MASP1: variants seen among roughly 807,000 people sequenced by gnomAD.
MASP1 encodes MBL associated serine protease 1.
Under a neutral mutation model 77.1 loss-of-function variants are expected in MASP1, and 59 were observed. That is an observed-to-expected ratio of 0.77 (90% confidence interval 0.62 to 0.95). The LOEUF (loss-of-function observed/expected upper bound fraction) is 0.95. MASP1 is among the 40% of genes least tolerant of loss of function. The pLI, the probability that MASP1 is intolerant of heterozygous loss-of-function variation, is 0.00. For missense variants in MASP1, 885 were observed against 912.9 expected (o/e 0.97, Z 0.39); for synonymous variants, 362 against 354.5 (o/e 1.02, Z -0.24).
chr3:187,236,682 G>A, intron 10 of MASP1, 115 bp from the exon 11 acceptor site: 2 of 1,580,314 alleles, frequency 1.3e-6, no homozygotes, highest in South Asian at 1.1e-5. Flanking sequence ...TGCCACCATG[G>A]GACCCTAACC....
downstream of MASP1, among the ~76,000 whole-genome samples, chr3:187,230,115 G>A (rs1182352617): frequency 6.6e-6 from 1 of 152,338 alleles, no homozygotes; most frequent in African/African-American, 2.4e-5. Context: ...CCTCACCTCT[G>A]GTTTCAGGGA....
At chr3:187,223,551 A>C (rs1480349809) in intron 13 of MASP1, among the ~76,000 whole-genome samples, 1 of 152,216 alleles carries the variant, frequency 6.6e-6, no homozygotes, top group Non-Finnish European at 1.5e-5. Flanking sequence ...CTCAATCAAG[A>C]ACAGCGAATA....
chr3:187,271,055 A>G (rs1182458464), intron 2 of MASP1, among the ~76,000 whole-genome samples: 1 of 152,256 alleles, frequency 6.6e-6, no homozygotes, highest in Admixed American at 6.5e-5. Context: ...CAAGTAAGAA[A>G]GTGATTTGGG....
intron 8 of MASP1, among the ~76,000 whole-genome samples, chr3:187,247,972 A>G (rs1714241785): frequency 6.6e-6 from 1 of 152,166 alleles, no homozygotes; most frequent in South Asian, 2.1e-4. Flanking sequence ...ATTTTAAGAA[A>G]CATAGAACTT....
At chr3:187,224,593 G>T (rs1054532310) in intron 13 of MASP1, among the ~76,000 whole-genome samples, 1 of 151,840 alleles carries the variant, frequency 6.6e-6, no homozygotes, top group African/African-American at 2.4e-5. Context: ...TGATCCGCCC[G>T]CCTCGGCCTC....
chr3:187,261,443 A>G (rs1715570261), intron 3 of MASP1, among the ~76,000 whole-genome samples: 1 of 152,222 alleles, frequency 6.6e-6, no homozygotes, highest in Non-Finnish European at 1.5e-5. Flanking sequence ...AAAAGGGATA[A>G]ACCAATGGCC....
chr3:187,263,703 T>G (rs1488200063), intron 2 of MASP1, among the ~76,000 whole-genome samples: 2 of 152,138 alleles, frequency 1.3e-5, no homozygotes, highest in Non-Finnish European at 1.5e-5. Flanking sequence ...TGTTAAGACT[T>G]AGATGCAAAA....
chr3:187,227,967 C>G (rs1452162591), intron 11 of MASP1, among the ~76,000 whole-genome samples: 1 of 152,158 alleles, frequency 6.6e-6, no homozygotes, highest in African/African-American at 2.4e-5. Context: ...TTCCCCTGCT[C>G]TTTAAGACTG....
At chr3:187,226,191 G>A in intron 12 of MASP1, 1 of 573,920 alleles carries the variant, frequency 1.7e-6, no homozygotes, top group South Asian at 2.0e-5. Flanking sequence ...TTATCGTTGT[G>A]AAACTGAAGC....
intron 5 of MASP1, 166 bp downstream of exon 5, chr3:187,256,498 G>T: frequency 1.4e-6 from 1 of 715,724 alleles, no homozygotes; most frequent in Non-Finnish European, 2.4e-6. Context: ...TCCTGGAATA[G>T]ATCTAACTAA....
downstream of MASP1, chr3:187,229,822 G>A (rs766494681): frequency 5.6e-6 from 9 of 1,614,186 alleles, no homozygotes; most frequent in Non-Finnish European, 7.6e-6. Flanking sequence ...AATCCAGGGA[G>A]TGGTGCCTTT....
chr3:187,235,167 C>T lies in MASP1; in HGVS notation c.*517G>A. 7.8e-7 allele frequency: 1 copy of T among 1,287,714 alleles called. No individual in the cohort carries two copies. Among genetic ancestry groups the T allele is most frequent in the Non-Finnish European group, 1.0e-6 (1 of 989,016 alleles). The allele number at this position is 1,287,714 out of a possible 1,614,324, so 79.8% of individuals were successfully genotyped here. The stretch of plus-strand genomic sequence containing the variant: ...AGGGGCTTGGCTATGAGCCATCTCC[C>T]AAAACCTGAATGCTCTTCTCCTAGA... On this transcript the variant is annotated 3_prime_UTR_variant, in exon 11 of 11. Transcript: ENST00000296280.
At position 187,285,911 on chromosome 3, in the gene MASP1, T is replaced by C; in HGVS notation, c.151A>G (p.Thr51Ala). 6.2e-7 allele frequency: 1 copy of C among 1,614,152 alleles called. No homozygotes were observed. The change falls in exon 2 of 11, where the codon ACT (threonine) becomes GCT (alanine). Residue 51 changes from threonine (T) to alanine (A), a missense_variant. Transcript: ENST00000296280. ...PSDSEVTWNI[T>A]VPDGFRIKLY... ...TTGATCCGAAACCCATCTGGGACAGTGATATTCCAAGTCACCTCTGAATCA... is the reference window on the plus strand; with the variant it reads ...TTGATCCGAAACCCATCTGGGACAGCGATATTCCAAGTCACCTCTGAATCA...
intron 2 of MASP1, among the ~76,000 whole-genome samples, chr3:187,263,755 C>T (rs1477431169): frequency 6.6e-6 from 1 of 152,100 alleles, no homozygotes; most frequent in Admixed American, 6.5e-5. Context: ...TTTGGAAGAG[C>T]CAGAGGCCCT....
downstream of MASP1, among the ~76,000 whole-genome samples, chr3:187,231,426 C>A (rs1243108717): frequency 6.6e-6 from 1 of 152,240 alleles, no homozygotes; most frequent in African/African-American, 2.4e-5. Context: ...AGTTGACACT[C>A]CTTTCCCACA....
exon 12 of MASP1, chr3:187,226,468 C>T (rs555276852): frequency 1.7e-5 from 27 of 1,612,990 alleles, no homozygotes; most frequent in Admixed American, 3.3e-5. Flanking sequence ...TCGGATCTTC[C>T]GGATCGAGTG....
chr3:187,280,437 T>C (rs1717319054), intron 2 of MASP1, among the ~76,000 whole-genome samples: 1 of 152,246 alleles, frequency 6.6e-6, no homozygotes, highest in Non-Finnish European at 1.5e-5. Flanking sequence ...TGAAATGAAC[T>C]TGAAATTGGA....
intron 2 of MASP1, among the ~76,000 whole-genome samples, chr3:187,281,631 G>A (rs1476575387): frequency 6.6e-6 from 1 of 152,206 alleles, no homozygotes; most frequent in Admixed American, 6.5e-5. Flanking sequence ...ATGCAACATT[G>A]AGAAGCAGCT....
At chr3:187,269,635 C>G (rs143157561) in intron 2 of MASP1, among the ~76,000 whole-genome samples, 262 of 152,308 alleles carry the variant, frequency 1.7e-3, no homozygotes, top group African/African-American at 6.2e-3. Flanking sequence ...GGGCTCTAAT[C>G]AAGGAACATT....
Sources: gnomAD v4.1 joint callset for allele counts (sites outside exome capture counted in the v4.1 genomes callset) on GRCh38, gnomAD v4.1.1 for gene constraint, MANE v1.5 for transcripts, NCBI Gene and HGNC (gene_info 2026-07-23, HGNC 2026-07-21) for gene names.